HECTD4: variants seen among roughly 807,000 people sequenced by gnomAD.
HECTD4 encodes HECT domain E3 ubiquitin protein ligase 4.
In HECTD4, 114 loss-of-function variants were observed where a neutral mutation model predicts 471.5. The ratio of observed to expected loss-of-function variants is 0.24; its 90% CI spans 0.21 to 0.28. HECTD4 has a LOEUF of 0.28. Among genes scored for constraint, HECTD4 ranks in the 10% least tolerant of loss-of-function variants. HECTD4 has a pLI of 1.00. For missense variants in HECTD4, 3,866 were observed against 5,651.5 expected (o/e 0.68, Z 10.13); for synonymous variants, 2,012 against 2,256.0 (o/e 0.89, Z 3.07).
intron 40 of HECTD4, 119 bp downstream of exon 40, chr12:112,230,568 A>T: frequency 8.3e-7 from 1 of 1,208,860 alleles, no homozygotes; most frequent in Non-Finnish European, 1.1e-6. Flanking sequence ...AAGTCAGTTA[A>T]CAGGTATCTG....
intron 59 of HECTD4, among the ~76,000 whole-genome samples, 178 bp from the exon 60 acceptor site, chr12:112,191,143 G>A (rs545928057): frequency 2.6e-5 from 4 of 152,334 alleles, no homozygotes; most frequent in Non-Finnish European, 2.9e-5. Context: ...GCAGGGACAC[G>A]AGGAGATGGA....
chr12:112,248,211 T>C (rs369692234), intron 26 of HECTD4, 40 bp from the exon 27 acceptor site: 15 of 1,562,552 alleles, frequency 9.6e-6, no homozygotes, highest in Non-Finnish European at 1.3e-5. Context: ...TAAAAACAAG[T>C]ATGATTCAAA....
At chr12:112,232,900 G>T in intron 38 of HECTD4, 104 bp downstream of exon 38, 1 of 995,958 alleles carries the variant, frequency 1.0e-6, no homozygotes, top group Non-Finnish European at 1.5e-6. Flanking sequence ...CCTCTTCGTT[G>T]GAACTTGAAC....
intron 1 of HECTD4, among the ~76,000 whole-genome samples, chr12:112,356,800 T>C (rs1253063850): frequency 2.6e-5 from 4 of 152,144 alleles, no homozygotes; most frequent in African/African-American, 7.2e-5. Flanking sequence ...CACTTATGGA[T>C]AGGGCTAGCT....
intron 69 of HECTD4, chr12:112,170,109 T>C: frequency 4.9e-6 from 3 of 607,808 alleles, no homozygotes; most frequent in East Asian, 2.9e-5. Context: ...CCTGACCCCA[T>C]GCAGCTGGGT....
At chr12:112,167,119 T>C (rs1432538635) in intron 72 of HECTD4, 198 bp downstream of exon 72, 2 of 503,710 alleles carry the variant, frequency 4.0e-6, no homozygotes, top group South Asian at 3.2e-5. Flanking sequence ...CTCCAATCTC[T>C]GCTGCCAGCA....
intron 55 of HECTD4, among the ~76,000 whole-genome samples, chr12:112,197,881 G>A (rs1415362719): frequency 1.3e-5 from 2 of 152,200 alleles, no homozygotes; most frequent in Non-Finnish European, 2.9e-5. Flanking sequence ...TACAATGTGT[G>A]TCAGGGCCTA....
chr12:112,283,955 CTT>C (rs746498265), intron 7 of HECTD4, among the ~76,000 whole-genome samples: 5 of 135,540 alleles, frequency 3.7e-5, no homozygotes, highest in African/African-American at 5.3e-5. Flanking sequence ...CTTCTTTCTT[CTT>C]TTTTTTTTTT....
chr12:112,259,199 GGTCA>G lies in HECTD4; in HGVS notation c.2936_2939del (p.Leu979ProfsTer3). On this transcript the variant is annotated frameshift_variant, in exon 19 of 76. Transcript: ENST00000682272. LOFTEE classifies it high-confidence loss of function. ...TCTGTAAATTTGGATGCATCAAGGAGGTCAGTAACACTGGAAGAAGGTGACCAAG... is the reference window on the plus strand; with the variant it reads ...TCTGTAAATTTGGATGCATCAAGGAGGTAACACTGGAAGAAGGTGACCAAG... 6.2e-7 allele frequency: 1 copy of G among 1,613,882 alleles called. No homozygotes were observed. Among genetic ancestry groups the G allele is most frequent in the Non-Finnish European group, 8.5e-7 (1 of 1,179,806 alleles).
chr12:112,329,363 G>T (rs1167209820), intron 1 of HECTD4, among the ~76,000 whole-genome samples: 3 of 134,624 alleles, frequency 2.2e-5, no homozygotes, highest in Non-Finnish European at 3.0e-5. Flanking sequence ...TTTGTTTTGG[G>T]TTTTTTGTTT....
intron 60 of HECTD4, 113 bp downstream of exon 60, chr12:112,190,673 C>G (rs1293728289): frequency 2.3e-6 from 2 of 883,522 alleles, no homozygotes; most frequent in Admixed American, 3.1e-5. Context: ...GAGGCTGCAG[C>G]TGCCTGGGCT....
chr12:112,293,353 A>G (rs1052647267), intron 7 of HECTD4, among the ~76,000 whole-genome samples: 4 of 148,064 alleles, frequency 2.7e-5, no homozygotes, highest in Admixed American at 6.7e-5. Flanking sequence ...CAACAGAGCA[A>G]GACTCTGTCT....
At chr12:112,200,021 T>C (rs1325541196) in intron 55 of HECTD4, among the ~76,000 whole-genome samples, 1 of 152,238 alleles carries the variant, frequency 6.6e-6, no homozygotes, top group Non-Finnish European at 1.5e-5. Flanking sequence ...CCTCTTGCTG[T>C]CTCCGGTTGA....
Position 112,163,974 on chromosome 12 carries a change from T to C in HECTD4, c.12701+135A>G. 2 of 1,003,024 alleles carry C rather than the reference T, an allele frequency of 2.0e-6. No individual in the cohort carries two copies. Among genetic ancestry groups the C allele is most frequent in the Middle Eastern group, 3.4e-4 (1 of 2,950 alleles). 62.1% of individuals were successfully genotyped at this position (1,003,024 alleles called of 1,614,324 possible). A position where few individuals can be genotyped will look rare whatever the true frequency, so the allele number is the denominator to read the frequency against. ...TTGGCACCCACCATCCTGCCTCATCTCCCTCTCCTGGTGAAATCCACCTGT... is the reference window on the plus strand; with the variant it reads ...TTGGCACCCACCATCCTGCCTCATCCCCCTCTCCTGGTGAAATCCACCTGT... On this transcript the variant is annotated intron_variant, in intron 73 of 75. Coordinates refer to ENST00000682272, the MANE Select transcript of HECTD4 (RefSeq NM_001388303.1). This position sits in a 1 kb window ranked among gnomAD's most constrained non-coding sequence, Gnocchi z 8.2.
At chr12:112,323,260 T>G (rs886177649) in intron 1 of HECTD4, among the ~76,000 whole-genome samples, 1 of 152,178 alleles carries the variant, frequency 6.6e-6, no homozygotes, top group East Asian at 1.9e-4. Context: ...CGAATGCAGA[T>G]AGAGTTAAGA....
At chr12:112,209,272 T>C (rs1280599311) in intron 50 of HECTD4, among the ~76,000 whole-genome samples, 2 of 152,282 alleles carry the variant, frequency 1.3e-5, no homozygotes, top group East Asian at 3.9e-4. Flanking sequence ...CATCCTTACT[T>C]TGGTGAGCTG....
intron 1 of HECTD4, among the ~76,000 whole-genome samples, chr12:112,358,370 A>C (rs2036384017): frequency 6.6e-6 from 1 of 152,190 alleles, no homozygotes; most frequent in Non-Finnish European, 1.5e-5. Flanking sequence ...AATCCCAGCT[A>C]TTCAGGAGCC....
chr12:112,317,956 C>CA (rs59773169), intron 2 of HECTD4, among the ~76,000 whole-genome samples: 1,989 of 22,158 alleles, frequency 0.09, 357 homozygotes, highest in East Asian at 0.6. Flanking sequence ...GACCCCATCT[C>CA]AAAAAAAAAA....
At chr12:112,376,982 C>A (rs1348976321) in intron 1 of HECTD4, among the ~76,000 whole-genome samples, 1 of 152,048 alleles carries the variant, frequency 6.6e-6, no homozygotes, top group Non-Finnish European at 1.5e-5. Flanking sequence ...CGTGGTGGTG[C>A]GTGCCTGTAA....
Sources: allele counts gnomAD v4.1 joint callset (sites outside exome capture counted in the v4.1 genomes callset), GRCh38; gene constraint gnomAD v4.1.1; non-coding constraint Gnocchi (gnomAD v3.1); transcripts MANE v1.5; gene names NCBI Gene and HGNC (gene_info 2026-07-23, HGNC 2026-07-21).